ESYT2: variants seen among roughly 807,000 people sequenced by gnomAD.
ESYT2 encodes the protein extended synaptotagmin 2, also known as extended synaptotagmin-2.
In ESYT2, 54 loss-of-function variants were observed where a neutral mutation model predicts 107.2. The observed-to-expected ratio is 0.50, with a 90% CI of 0.40 to 0.63. The LOEUF is 0.63. Among genes scored for constraint, ESYT2 ranks in the 30% least tolerant of loss-of-function variants. The pLI, the probability that ESYT2 is intolerant of heterozygous loss-of-function variation, is 0.00. For missense variants in ESYT2, 1,020 were observed against 1,094.5 expected, an observed-to-expected ratio of 0.93 and a Z score of 0.96; for synonymous variants, 491 against 434.1, an observed-to-expected ratio of 1.13 and a Z score of -1.63.
At chr7:158,769,385 C>T (rs1031583306) in intron 7 of ESYT2, among the ~76,000 whole-genome samples, 3 of 152,214 alleles carry the variant, frequency 2.0e-5, no homozygotes, top group East Asian at 1.9e-4. Context: ...CTCCTGGCCT[C>T]GGAGGCCACA....
intron 1 of ESYT2, among the ~76,000 whole-genome samples, chr7:158,828,414 C>T (rs1326000383): frequency 2.0e-5 from 3 of 152,256 alleles, no homozygotes; most frequent in Non-Finnish European, 4.4e-5. Flanking sequence ...AAGGAGACCC[C>T]GCGGGCGGCA....
Position 158,764,658 on chromosome 7 carries a change from A to G in ESYT2, c.1101+19T>C. On this transcript the variant is annotated intron_variant, in intron 9 of 22. Coordinates refer to ENST00000275418, the MANE Select transcript of ESYT2 (RefSeq NM_001367773.1). ...GCTCAGCCCACCACCCCAGCAACAC[A>G]GCAGACACGACACCCCACCTCATAG... is the stretch of plus-strand genomic sequence containing the variant. The G allele has an allele frequency of 1.2e-6, 2 of 1,611,384 alleles. No homozygotes were observed. Among genetic ancestry groups the G allele is most frequent in the East Asian group, 4.5e-5 (2 of 44,862 alleles).
intron 7 of ESYT2, among the ~76,000 whole-genome samples, chr7:158,768,817 C>A (rs1223808811): frequency 6.6e-6 from 1 of 152,178 alleles, no homozygotes; most frequent in Non-Finnish European, 1.5e-5. Flanking sequence ...CTGTTTGAGC[C>A]CAGGAGCTAG....
chr7:158,816,191 A>T (rs1840145535), intron 1 of ESYT2, among the ~76,000 whole-genome samples: 2 of 152,158 alleles, frequency 1.3e-5, no homozygotes, highest in African/African-American at 4.8e-5. Context: ...AAATGTTTAA[A>T]ATTAGCTAAT....
At chr7:158,800,293 T>C (rs748712250) in intron 1 of ESYT2, among the ~76,000 whole-genome samples, 51 of 152,160 alleles carry the variant, frequency 3.4e-4, no homozygotes, top group Non-Finnish European at 6.0e-4. Context: ...GTGATCCGCC[T>C]GCCTCTGCCT....
At position 158,791,071 on chromosome 7, in the gene ESYT2, C is replaced by G. The variant is rs569566941; in HGVS notation, c.584+2579G>C. On this transcript the variant is annotated intron_variant, in intron 4 of 22. Coordinates refer to ENST00000275418, the MANE Select transcript of ESYT2 (RefSeq NM_001367773.1). ...CCGGACCATTTTTCAACTTGCAAAACGAACACTCTCCCCCCATTAAACACT... is the reference window on the plus strand; with the variant it reads ...CCGGACCATTTTTCAACTTGCAAAAGGAACACTCTCCCCCCATTAAACACT... 3.3e-5 allele frequency among the ~76,000 whole-genome samples: 5 copies of G among 152,162 alleles called. No individual in the cohort carries two copies. In the South Asian group the frequency reaches 8.3e-4, roughly 25 times the overall value.
intron 13 of ESYT2, among the ~76,000 whole-genome samples, chr7:158,758,587 T>C (rs1471974374): frequency 1.3e-5 from 2 of 152,160 alleles, no homozygotes; most frequent in African/African-American, 2.4e-5. Context: ...GAGGAGGAAT[T>C]ATGCAATGAA....
chr7:158,764,774 T>C lies in ESYT2; in HGVS notation c.1004A>G (p.Lys335Arg), dbSNP rs1838092770. 2.7e-5 allele frequency: 44 copies of C among 1,614,114 alleles called. No homozygotes were observed. The highest frequency in any genetic ancestry group is 3.6e-5 in the Non-Finnish European group (43 of 1,180,050). The change falls in exon 9 of 23, where the codon AAG (lysine) becomes AGG (arginine). Residue 335 changes from lysine to arginine, a missense_variant. Lys to Arg is a conservative substitution (Grantham distance 26). Coordinates refer to ENST00000275418, the MANE Select transcript of ESYT2 (RefSeq NM_001367773.1). The stretch of plus-strand genomic sequence containing the variant: ...TCTAATGATTCCATAGGGGTCTGAC[T>C]TTCCCTTGACAAGTCCCTTAAGGTA... The part of the protein sequence containing the change: ...DTYLKGLVKG[K>R]SDPYGIIRVG...
intron 1 of ESYT2, among the ~76,000 whole-genome samples, chr7:158,814,524 A>G (rs1367101769): frequency 1.3e-5 from 2 of 152,046 alleles, no homozygotes; most frequent in African/African-American, 4.8e-5. Flanking sequence ...CGTCCCGATT[A>G]CTCTCACAGA....
At chr7:158,750,151 G>A (rs1271119786) in intron 14 of ESYT2, among the ~76,000 whole-genome samples, 1 of 152,098 alleles carries the variant, frequency 6.6e-6, no homozygotes, top group Admixed American at 6.5e-5. Flanking sequence ...AGTACAGAGT[G>A]TCAGATACAC....
intron 21 of ESYT2, among the ~76,000 whole-genome samples, chr7:158,734,980 C>T (rs147492475): frequency 6.6e-6 from 1 of 152,306 alleles, no homozygotes; most frequent in Non-Finnish European, 1.5e-5. Flanking sequence ...CTAAGAAATC[C>T]TTCATGCAAC....
chr7:158,797,684 C>T (rs549179768), intron 3 of ESYT2, among the ~76,000 whole-genome samples: 66 of 151,978 alleles, frequency 4.3e-4, no homozygotes, highest in African/African-American at 1.5e-3. Flanking sequence ...GAAACCCCGT[C>T]TCTACTAAAA....
chr7:158,794,328 TA>T lies in ESYT2; in HGVS notation c.508-603del, dbSNP rs139202781. 4.7e-3 allele frequency among the ~76,000 whole-genome samples: 715 copies of T among 152,230 alleles called. 2 individuals carry two copies. Among genetic ancestry groups the T allele is most frequent in the African/African-American group, 0.016 (656 of 41,548 alleles). ...GGCAACATGGTTAAAACCCTATCTC[TA>T]CAAAAAGTAAAAAAAATTAGCTAAG... On this transcript the variant is annotated intron_variant, in intron 3 of 22. Coordinates refer to ENST00000275418, the MANE Select transcript of ESYT2 (RefSeq NM_001367773.1).
intron 13 of ESYT2, among the ~76,000 whole-genome samples, chr7:158,755,420 TA>T (rs1006281160): frequency 6.6e-5 from 10 of 152,170 alleles, no homozygotes; most frequent in African/African-American, 9.7e-5. Flanking sequence ...CTGATTTTGG[TA>T]ACGCTCCTGA....
At chr7:158,784,985 A>T (rs755994621) in intron 6 of ESYT2, among the ~76,000 whole-genome samples, 1 of 152,148 alleles carries the variant, frequency 6.6e-6, no homozygotes, top group Non-Finnish European at 1.5e-5. Context: ...TCTCAACAAG[A>T]CTAAGGACTC....
rs868678610 is a variant in ESYT2 at position 158,782,660 on chromosome 7, G to A, written c.747+5344C>T. ...TATGTGAGAACAAAGAAGTATTAAA[G>A]AACAAGTGTGAGAACAAATGTGAGA... is the stretch of plus-strand genomic sequence containing the variant. On this transcript the variant is annotated intron_variant, in intron 6 of 22. Transcript: ENST00000275418. Among the ~76,000 whole-genome samples, 9 of 152,138 alleles carry A rather than the reference G, an allele frequency of 5.9e-5. 1 individual carries two copies. The highest frequency in any genetic ancestry group is 8.8e-5 in the Non-Finnish European group (6 of 68,000).
At chr7:158,796,359 A>G (rs997731654) in intron 3 of ESYT2, among the ~76,000 whole-genome samples, 3 of 152,350 alleles carry the variant, frequency 2.0e-5, no homozygotes, top group Admixed American at 2.0e-4. Flanking sequence ...TCCTTTTTAT[A>G]TAATGTGACT....
intron 1 of ESYT2, among the ~76,000 whole-genome samples, chr7:158,828,005 C>T (rs115366692): frequency 0.013 from 1,932 of 152,262 alleles, 38 homozygotes; most frequent in African/African-American, 0.044. Context: ...TAAAATAATA[C>T]CATGACTCTT....
chr7:158,749,683 T>G lies in ESYT2; in HGVS notation c.1523A>C (p.Gln508Pro), dbSNP rs751386213. The G allele has an allele frequency of 6.2e-7, 1 of 1,613,954 alleles. No homozygotes were observed. The highest frequency in any genetic ancestry group is 8.5e-7 in the Non-Finnish European group (1 of 1,180,014). Residue 508 changes from glutamine to proline, a missense_variant, in exon 15 of 23, where the codon CAG (glutamine) becomes CCG (proline). Gln to Pro is a moderately conservative substitution (Grantham distance 76). Coordinates refer to ENST00000275418, the MANE Select transcript of ESYT2 (RefSeq NM_001367773.1). The part of the protein sequence containing the change: ...KISSNPNPVV[Q>P]MSVGHKAQES... ...CTGGGCCTTGTGCCCAACTGACATC[T>G]GGACAACAGGATTTGGGTTGCTGCT...
Sources: gnomAD v4.1 joint callset for allele counts (sites outside exome capture counted in the v4.1 genomes callset) on GRCh38, gnomAD v4.1.1 for gene constraint, MANE v1.5 for transcripts, NCBI Gene and HGNC (gene_info 2026-07-23, HGNC 2026-07-21) for gene names.